SGK3: variants seen among roughly 807,000 people sequenced by gnomAD.
The protein encoded by SGK3 is serum/glucocorticoid regulated kinase family member 3, also known as serine/threonine-protein kinase Sgk3.
In SGK3, 47 loss-of-function variants were observed where a neutral mutation model predicts 68.5. The ratio of observed to expected loss-of-function variants is 0.69; its 90% CI spans 0.54 to 0.87. SGK3 has a LOEUF of 0.87. Ranked by LOEUF, SGK3 falls within the 40% of genes least tolerant of loss-of-function variation. The probability of loss-of-function intolerance (pLI) is 0.00; values close to 1 mark genes in which losing one functional copy is unlikely to be tolerated. For synonymous variants in SGK3, 181 were observed against 189.1 expected, an observed-to-expected ratio of 0.96 and a Z score of 0.35; for missense variants, 479 against 575.5, an observed-to-expected ratio of 0.83 and a Z score of 1.72.
At chr8:66,779,950 G>A (rs1051869908) in intron 1 of SGK3, among the ~76,000 whole-genome samples, 2 of 152,046 alleles carry the variant, frequency 1.3e-5, no homozygotes, top group African/African-American at 4.8e-5. Context: ...CACTGCATAA[G>A]CATCTGTGTT....
chr8:66,857,842 T>TGTGTGTGTG (rs1585824782), intron 16 of SGK3, among the ~76,000 whole-genome samples: 1 of 143,468 alleles, frequency 7.0e-6, no homozygotes, highest in Non-Finnish European at 1.5e-5. Context: ...TGTGTGTGTG[T>TGTGTGTGTG]AGGAAAGGTA....
intron 1 of SGK3, among the ~76,000 whole-genome samples, chr8:66,743,900 G>A (rs1421741973): frequency 6.6e-6 from 1 of 152,168 alleles, no homozygotes; most frequent in African/African-American, 2.4e-5. Context: ...CTAGCAGACT[G>A]GAATCTTTCA....
At chr8:66,735,985 T>C (rs1318960360) in intron 1 of SGK3, among the ~76,000 whole-genome samples, 1 of 152,216 alleles carries the variant, frequency 6.6e-6, no homozygotes, top group African/African-American at 2.4e-5. Flanking sequence ...TGAACGTCAT[T>C]GATGCAGCCA....
intron 1 of SGK3, among the ~76,000 whole-genome samples, chr8:66,732,053 A>T (rs1028377927): frequency 2.0e-5 from 3 of 152,230 alleles, no homozygotes; most frequent in Non-Finnish European, 4.4e-5. Context: ...TCTCAAAAAA[A>T]ATGTGACAGA....
chr8:66,813,721 G>A, intron 4 of SGK3, 132 bp from the exon 5 acceptor site: 1 of 507,356 alleles, frequency 2.0e-6, no homozygotes, highest in Non-Finnish European at 3.1e-6. Context: ...TTCCTTGTGT[G>A]ACAAGTAGCA....
At chr8:66,728,249 A>C (rs1385160445) in intron 1 of SGK3, among the ~76,000 whole-genome samples, 1 of 151,844 alleles carries the variant, frequency 6.6e-6, no homozygotes, top group African/African-American at 2.4e-5. Context: ...ACAATATATG[A>C]TCTTTTGTGA....
intron 5 of SGK3, among the ~76,000 whole-genome samples, chr8:66,819,412 T>C (rs938402293): frequency 2.0e-5 from 3 of 152,230 alleles, no homozygotes; most frequent in Admixed American, 1.3e-4. Flanking sequence ...TCTAATACTA[T>C]GCACAAAGAT....
At position 66,793,753 on chromosome 8, in the gene SGK3, C is replaced by A; in HGVS notation, c.17C>A (p.Thr6Asn). 6.2e-7 allele frequency: 1 copy of A among 1,613,150 alleles called. No homozygotes were observed. Among genetic ancestry groups the A allele is most frequent in the African/African-American group, 1.3e-5 (1 of 74,962 alleles). Reference protein sequence around the residue: MQRDHTMDYKESCPSV... With the variant: MQRDHNMDYKESCPSV... ...AGGGATTAAATGCAAAGAGATCACA[C>A]CATGGACTACAAGGAAAGCTGCCCA... Residue 6 changes from threonine to asparagine, a missense_variant, in exon 2 of 17, where the codon ACC (threonine) becomes AAC (asparagine). This residue lies in a region of SGK3 where 298 missense variants were observed against 329.4 expected (regional missense o/e 0.90). Transcript: ENST00000521198.
chr8:66,804,360 T>C lies in SGK3; in HGVS notation c.181-15T>C, dbSNP rs375742835. On this transcript the variant is annotated splice_polypyrimidine_tract_variant and intron_variant, in intron 3 of 16. Coordinates refer to ENST00000521198, the MANE Select transcript of SGK3 (RefSeq NM_001033578.3). The stretch of plus-strand genomic sequence containing the variant: ...ATAAAATTAGTTCATATAATGTTAT[T>C]TTTAAAAATTTTAGTTAAAAAAACA... 9 of 1,599,448 alleles carry C rather than the reference T, an allele frequency of 5.6e-6. No homozygotes were observed. The highest frequency in any genetic ancestry group is 7.7e-6 in the Non-Finnish European group (9 of 1,174,652).
chr8:66,760,318 A>ATTTTCTT (rs1806117788), intron 1 of SGK3, among the ~76,000 whole-genome samples: 1 of 127,306 alleles, frequency 7.9e-6, no homozygotes, highest in South Asian at 2.5e-4. Context: ...TACTTTGTTC[A>ATTTTCTT]TTTTCTTTTT....
In SGK3 at chr8:66,843,632, G is replaced by GA. The variant is rs1178428439; in HGVS notation, c.1074+86dup. ...TCTCTCCCACCTTAAGAATCTCATG[G>GA]ACACTTAGATAACACTAACAGAGCA... On this transcript the variant is annotated intron_variant, in intron 14 of 16. Coordinates refer to ENST00000521198, the MANE Select transcript of SGK3 (RefSeq NM_001033578.3). 3.7e-6 allele frequency: 5 copies of GA among 1,349,752 alleles called. No homozygotes were observed. The East Asian group carries it at 1.2e-4, about 32-fold the overall frequency. 83.6% of individuals were successfully genotyped at this position (1,349,752 alleles called of 1,614,324 possible). A position where few individuals can be genotyped will look rare whatever the true frequency, so the allele number is the denominator to read the frequency against.
At chr8:66,827,641 T>G (rs1770090156) in intron 6 of SGK3, among the ~76,000 whole-genome samples, 1 of 152,134 alleles carries the variant, frequency 6.6e-6, no homozygotes, top group African/African-American at 2.4e-5. Flanking sequence ...TAGATTAATC[T>G]GGGATTTTTG....
At chr8:66,807,446 T>C (rs1008671094) in intron 4 of SGK3, among the ~76,000 whole-genome samples, 3 of 152,214 alleles carry the variant, frequency 2.0e-5, no homozygotes, top group African/African-American at 7.2e-5. Context: ...TGCTCTTTGG[T>C]ACTTTGTTTT....
chr8:66,847,154 G>A, intron 14 of SGK3, 39 bp from the exon 15 acceptor site: 1 of 1,577,606 alleles, frequency 6.3e-7, no homozygotes, highest in South Asian at 1.2e-5. Flanking sequence ...CGCATAATTT[G>A]TTTACCACTA....
intron 5 of SGK3, among the ~76,000 whole-genome samples, chr8:66,815,995 T>C (rs1585758417): frequency 6.6e-6 from 1 of 152,182 alleles, no homozygotes; most frequent in East Asian, 1.9e-4. Context: ...AGTCAAGAGT[T>C]TTTTAAACTT....
chr8:66,805,289 G>T lies in SGK3; in HGVS notation c.253+842G>T, dbSNP rs1041732368. Among the ~76,000 whole-genome samples the T allele has an allele frequency of 9.2e-5, 14 of 152,088 alleles. 1 individual carries two copies. The highest frequency in any genetic ancestry group is 3.4e-4 in the African/African-American group (14 of 41,410). ...AATCCTAGCACTTTGGGAGGCTGAG[G>T]CAGGTGGATCACAAGGTCAGGAGAT... On this transcript the variant is annotated intron_variant, in intron 4 of 16. Coordinates refer to ENST00000521198, the MANE Select transcript of SGK3 (RefSeq NM_001033578.3).
intron 1 of SGK3, among the ~76,000 whole-genome samples, chr8:66,785,895 A>G (rs888260569): frequency 1.3e-5 from 2 of 152,212 alleles, no homozygotes; most frequent in Admixed American, 1.3e-4. Flanking sequence ...AGACTACAAA[A>G]TTATCTTCTG....
chr8:66,751,244 G>A (rs1317782027), intron 1 of SGK3, among the ~76,000 whole-genome samples: 1 of 152,088 alleles, frequency 6.6e-6, no homozygotes, highest in South Asian at 2.1e-4. Context: ...GAGAGGAGTT[G>A]TGGGAAAGCG....
chr8:66,851,836 GCTTCCTTTGTATAGGGATATA>G (rs1242479359), intron 16 of SGK3, among the ~76,000 whole-genome samples: 1 of 152,102 alleles, frequency 6.6e-6, no homozygotes, highest in Non-Finnish European at 1.5e-5. Context: ...ACTAATGATA[GCTTCCTTTGTATAGGGATATA>G]CACTTTGTAT....
Sources: gnomAD v4.1 joint callset for allele counts (sites outside exome capture counted in the v4.1 genomes callset) on GRCh38, gnomAD v4.1.1 for gene constraint, gnomAD v4.1.1 regional missense constraint, MANE v1.5 for transcripts, NCBI Gene and HGNC (gene_info 2026-07-23, HGNC 2026-07-21) for gene names.